UNC45B: variants seen among roughly 807,000 people sequenced by gnomAD.
UNC45B encodes the protein unc-45 myosin chaperone B.
In UNC45B, 78 loss-of-function variants were observed where a neutral mutation model predicts 98.7. The observed-to-expected ratio is 0.79, with a 90% CI of 0.66 to 0.95. The LOEUF (loss-of-function observed/expected upper bound fraction) is 0.95, where lower values mean the gene tolerates loss of function less well. Ranked by LOEUF, UNC45B falls within the 40% of genes least tolerant of loss-of-function variation. The pLI, the probability that UNC45B is intolerant of heterozygous loss-of-function variation, is 0.00. For synonymous variants in UNC45B, 462 were observed against 480.4 expected, an observed-to-expected ratio of 0.96 and a Z score of 0.50; for missense variants, 1,225 against 1,184.9, an observed-to-expected ratio of 1.03 and a Z score of -0.50.
intron 9 of UNC45B, among the ~76,000 whole-genome samples, chr17:35,167,789 A>G (rs892071415): frequency 1.3e-5 from 2 of 152,146 alleles, no homozygotes; most frequent in Non-Finnish European, 2.9e-5. Context: ...AACTTCCTGC[A>G]TGTCAATCCC....
chr17:35,154,719 T>G lies in UNC45B; in HGVS notation c.617T>G (p.Met206Arg). ...VLAAVRTLSG[M>R]CSGHQARATV... ...GCTGCAGTGCGGACCCTGTCGGGCATGTGCAGCGGCCACCAAGCCAGAGTA... is the reference window on the plus strand; with the variant it reads ...GCTGCAGTGCGGACCCTGTCGGGCAGGTGCAGCGGCCACCAAGCCAGAGTA... Residue 206 changes from methionine to arginine, a missense_variant, in exon 6 of 20, where the codon ATG becomes AGG. Met to Arg is a moderately conservative substitution (Grantham distance 91). Coordinates refer to ENST00000394570, the MANE Select transcript of UNC45B (RefSeq NM_001267052.2). 6.3e-7 allele frequency: 1 copy of G among 1,594,222 alleles called. No individual in the cohort carries two copies. Among genetic ancestry groups the G allele is most frequent in the Non-Finnish European group, 8.5e-7 (1 of 1,173,300 alleles).
chr17:35,176,683 A>C (rs2092236186), intron 15 of UNC45B, among the ~76,000 whole-genome samples: 1 of 152,222 alleles, frequency 6.6e-6, no homozygotes. Context: ...TCTGTCTCAA[A>C]AAAACAAAAC....
At chr17:35,173,203 G>A (rs558157866) in intron 13 of UNC45B, among the ~76,000 whole-genome samples, 1 of 143,420 alleles carries the variant, frequency 7.0e-6, no homozygotes, top group African/African-American at 2.6e-5. Flanking sequence ...TTGGCTCACT[G>A]CAACCTCCGC....
intron 16 of UNC45B, among the ~76,000 whole-genome samples, 169 bp downstream of exon 16, chr17:35,177,299 AC>A (rs983467701): frequency 1.3e-5 from 2 of 152,126 alleles, no homozygotes; most frequent in African/African-American, 4.8e-5. Flanking sequence ...CCTCTGACAA[AC>A]CGGATTGCCC....
At chr17:35,173,562 T>C (rs1321887973) in intron 13 of UNC45B, among the ~76,000 whole-genome samples, 1 of 152,164 alleles carries the variant, frequency 6.6e-6, no homozygotes. Context: ...TTTCAGCTTC[T>C]AGAGGCCACC....
chr17:35,181,890 T>C (rs1349270078), intron 18 of UNC45B, among the ~76,000 whole-genome samples: 3 of 150,594 alleles, frequency 2.0e-5, no homozygotes, highest in Non-Finnish European at 3.0e-5. Context: ...CTGGCAGCCA[T>C]AGGGGAGACA....
chr17:35,175,057 AAAG>A (rs746385701), intron 14 of UNC45B, among the ~76,000 whole-genome samples: 8 of 106,462 alleles, frequency 7.5e-5, no homozygotes, highest in African/African-American at 1.4e-4. Context: ...GAAAGAAAGG[AAAG>A]AAGAAAGAAA....
intron 15 of UNC45B, among the ~76,000 whole-genome samples, chr17:35,176,668 G>A (rs775343198): frequency 4.6e-5 from 7 of 152,120 alleles, no homozygotes; most frequent in African/African-American, 7.2e-5. Context: ...CAGCAAGAGC[G>A]AAACTCTGTC....
In UNC45B at chr17:35,169,857, T is replaced by C; in HGVS notation, c.1473T>C (p.Ser491=). ...RTLVGLCKLG[S]AGGTDYGLRQ... is the part of the protein sequence containing the mutation. ...CTCAGGGACTCTGTAAGCTCGGCTC[T>C]GCAGGTGGCACAGACTACGGTCTCA... Residue 491 remains serine, a synonymous_variant, in exon 11 of 20, where the codon TCT becomes TCC. Coordinates refer to ENST00000394570, the MANE Select transcript of UNC45B (RefSeq NM_001267052.2). The C allele has an allele frequency of 6.2e-7, 1 of 1,614,170 alleles. No individual in the cohort carries two copies. The highest frequency in any genetic ancestry group is 8.5e-7 in the Non-Finnish European group (1 of 1,180,028).
At chr17:35,166,572 C>T (rs892402292) in intron 9 of UNC45B, among the ~76,000 whole-genome samples, 3 of 152,322 alleles carry the variant, frequency 2.0e-5, no homozygotes, top group South Asian at 2.1e-4. Flanking sequence ...GTGCCCCAGC[C>T]TGCCCCTAGC....
At position 35,149,059 on chromosome 17, in the gene UNC45B, G is replaced by T. The variant is rs2091997740; in HGVS notation, c.205+50G>T. 7 of 1,608,888 alleles carry T rather than the reference G, an allele frequency of 4.4e-6. No homozygotes were observed. In the Admixed American group the frequency reaches 1.2e-4, roughly 27 times the overall value. On this transcript the variant is annotated intron_variant, in intron 3 of 19. Coordinates refer to ENST00000394570, the MANE Select transcript of UNC45B (RefSeq NM_001267052.2). Reference sequence around the variant, plus strand: ...TGCCCTGTCACATTCTCCTCTGCATGGCCTGGGTTTTAATCTAGTTACCAT... The same window carrying T: ...TGCCCTGTCACATTCTCCTCTGCATTGCCTGGGTTTTAATCTAGTTACCAT...
Position 35,147,921 on chromosome 17 carries a change from G to A in UNC45B, c.-1+11G>A, listed in dbSNP as rs763003836. ...GTCCTTGCTGAAAAAGTGAGCATGG[G>A]CCTGGGGTGTGCCCTGGACTGGGGA... is the stretch of plus-strand genomic sequence containing the variant. On this transcript the variant is annotated intron_variant, in intron 1 of 19. Transcript: ENST00000394570. 7.5e-6 allele frequency: 2 copies of A among 268,010 alleles called. No homozygotes were observed. Among genetic ancestry groups the A allele is most frequent in the Non-Finnish European group, 1.4e-5 (2 of 138,732 alleles). 16.6% of individuals were successfully genotyped at this position (268,010 alleles called of 1,614,324 possible). A position where few individuals can be genotyped will look rare whatever the true frequency, so the allele number is the denominator to read the frequency against.
In UNC45B at chr17:35,187,626, C is replaced by T. The variant is rs1287324264; in HGVS notation, c.*1067C>T. 5 of 152,196 alleles carry T rather than the reference C, an allele frequency of 3.3e-5. No homozygotes were observed. Among genetic ancestry groups the T allele is most frequent in the Non-Finnish European group, 7.3e-5 (5 of 68,042 alleles). The allele number at this position is 152,196 out of a possible 1,614,324, so 9.4% of individuals were successfully genotyped here. Reference sequence around the variant, plus strand: ...TATACAAGTCTAGGGAAGAAATGAGCTTCATCCCTGTCCAATTGACATGGA... The same window carrying T: ...TATACAAGTCTAGGGAAGAAATGAGTTTCATCCCTGTCCAATTGACATGGA... On this transcript the variant is annotated 3_prime_UTR_variant, in exon 20 of 20. Transcript: ENST00000394570.
At chr17:35,183,695 C>T in intron 19 of UNC45B, 113 bp downstream of exon 19, 1 of 1,185,370 alleles carries the variant, frequency 8.4e-7, no homozygotes, top group Non-Finnish European at 1.1e-6. Flanking sequence ...AAACCCCTCG[C>T]AGCCCCCAGG....
At position 35,150,161 on chromosome 17, in the gene UNC45B, G is replaced by C; in HGVS notation, c.319G>C (p.Glu107Gln). 1 of 1,613,688 alleles carries C rather than the reference G, an allele frequency of 6.2e-7. No individual in the cohort carries two copies. The highest frequency in any genetic ancestry group is 8.5e-7 in the Non-Finnish European group (1 of 1,179,784). The change falls in exon 4 of 20, where the codon GAG becomes CAG. Residue 107 changes from glutamate (E) to glutamine (Q), a missense_variant. Transcript: ENST00000394570. Reference sequence around the variant, plus strand: ...AGACGTGCAGCGTTGTGCCACCCTCGAGCCACGGAACCAGAACTTCCAGGA... The same window carrying C: ...AGACGTGCAGCGTTGTGCCACCCTCCAGCCACGGAACCAGAACTTCCAGGA... ...FKDVQRCATL[E>Q]PRNQNFQEML...
intron 6 of UNC45B, 29 bp from the exon 7 acceptor site, chr17:35,155,267 G>T: frequency 1.2e-6 from 2 of 1,609,402 alleles, no homozygotes. Flanking sequence ...GGGCAAGGCA[G>T]CTGACCATGG....
chr17:35,165,893 C>T (rs564292380), intron 9 of UNC45B, among the ~76,000 whole-genome samples: 105 of 151,552 alleles, frequency 6.9e-4, no homozygotes, highest in African/African-American at 2.2e-3. Context: ...GAGCCAAGAT[C>T]GCACCACTGC....
rs771548304 is a variant in UNC45B, at chr17:35,170,173, C to T, written c.1607C>T (p.Ala536Val). ...RTRRWAVEGLAYLTLDADVKD... is the reference protein window; with the variant it reads ...RTRRWAVEGLVYLTLDADVKD... ...CGACGCTGGGCAGTGGAGGGCCTGG[C>T]CTACCTCACGCTGGACGCTGATGTG... The change falls in exon 12 of 20, where the codon GCC becomes GTC. Residue 536 changes from alanine to valine, a missense_variant. Ala to Val is a moderately conservative substitution (Grantham distance 64). Transcript: ENST00000394570. 1.9e-6 allele frequency: 3 copies of T among 1,613,946 alleles called. No homozygotes were observed. Among genetic ancestry groups the T allele is most frequent in the Non-Finnish European group, 1.7e-6 (2 of 1,179,896 alleles).
At chr17:35,161,388 G>C (rs1388486600) in intron 8 of UNC45B, among the ~76,000 whole-genome samples, 1 of 152,190 alleles carries the variant, frequency 6.6e-6, no homozygotes, top group East Asian at 1.9e-4. Context: ...TTGGGTGAGA[G>C]AAGGGGCAAA....
Sources: allele counts gnomAD v4.1 joint callset (sites outside exome capture counted in the v4.1 genomes callset), GRCh38; gene constraint gnomAD v4.1.1; transcripts MANE v1.5; gene names NCBI Gene and HGNC (gene_info 2026-07-23, HGNC 2026-07-21).